Variants in CAMKMT observed in about 807,000 individuals in gnomAD.
CAMKMT encodes CaM KMT.
CAMKMT carries 53 observed loss-of-function variants against 48.0 expected under a neutral mutation model. The observed-to-expected ratio is 1.10, with a 90% CI of 0.89 to 1.39. CAMKMT has a LOEUF of 1.39. Ranked by LOEUF, CAMKMT falls within the 40% of genes most tolerant of loss-of-function variation. The probability of loss-of-function intolerance (pLI) is 0.00; values close to 1 mark genes in which losing one functional copy is unlikely to be tolerated. For synonymous variants in CAMKMT, 165 were observed against 152.3 expected, an observed-to-expected ratio of 1.08 and a Z score of -0.61; for missense variants, 428 against 402.7, an observed-to-expected ratio of 1.06 and a Z score of -0.54.
chr2:44,694,985 T>A (rs1676859105), intron 3 of CAMKMT, among the ~76,000 whole-genome samples: 1 of 152,196 alleles, frequency 6.6e-6, no homozygotes, highest in South Asian at 2.1e-4. Flanking sequence ...TTAATAACGT[T>A]TATAACGTGT....
chr2:44,508,973 G>C (rs1194984549), intron 3 of CAMKMT, among the ~76,000 whole-genome samples: 1 of 151,970 alleles, frequency 6.6e-6, no homozygotes, highest in Non-Finnish European at 1.5e-5. Context: ...GCATGTGCCT[G>C]TAGTCCCAGC....
intron 10 of CAMKMT, among the ~76,000 whole-genome samples, chr2:44,770,203 G>A (rs1681044859): frequency 6.6e-6 from 1 of 152,232 alleles, no homozygotes; most frequent in South Asian, 2.1e-4. Flanking sequence ...AGAGCTTTGT[G>A]TGTGTTCAAG....
At chr2:44,532,972 C>A (rs896935799) in intron 3 of CAMKMT, among the ~76,000 whole-genome samples, 1 of 151,634 alleles carries the variant, frequency 6.6e-6, no homozygotes, top group African/African-American at 2.4e-5. Context: ...ACCACCACAC[C>A]CGGCTAATTT....
intron 3 of CAMKMT, among the ~76,000 whole-genome samples, chr2:44,684,601 T>A (rs1297258452): frequency 6.6e-6 from 1 of 152,050 alleles, no homozygotes; most frequent in Non-Finnish European, 1.5e-5. Flanking sequence ...TTTGTAGATA[T>A]CCCCAGATAA....
At chr2:44,606,633 A>T (rs750194738) in intron 3 of CAMKMT, among the ~76,000 whole-genome samples, 2 of 152,130 alleles carry the variant, frequency 1.3e-5, no homozygotes, top group Non-Finnish European at 2.9e-5. Context: ...GTGATAATAG[A>T]TATTTTTTGT....
chr2:44,573,310 A>T (rs1228751300), intron 3 of CAMKMT, among the ~76,000 whole-genome samples: 5 of 152,080 alleles, frequency 3.3e-5, no homozygotes, highest in Admixed American at 6.6e-5. Context: ...GGAGTTCTTT[A>T]TAATATTATG....
chr2:44,549,534 T>A (rs763736113), intron 3 of CAMKMT: 6 of 692,722 alleles, frequency 8.7e-6, no homozygotes, highest in South Asian at 7.7e-5. Flanking sequence ...GTATATATAA[T>A]TTTTTTTCTT....
chr2:44,680,338 T>A (rs1558791761), intron 3 of CAMKMT, among the ~76,000 whole-genome samples: 1 of 152,236 alleles, frequency 6.6e-6, no homozygotes, highest in East Asian at 1.9e-4. Context: ...CAAAATGAGA[T>A]TGTCACACTC....
rs140390898 is a variant in CAMKMT, at chr2:44,613,240, A to G, written c.377-91043A>G. On this transcript the variant is annotated intron_variant, in intron 3 of 10. Coordinates refer to ENST00000378494, the MANE Select transcript of CAMKMT (RefSeq NM_024766.5). ...TATATGCAGCAGTCAGCTGGTATAC[A>G]GCAGAACAAGGATACCAGTTGTTAA... Among the ~76,000 whole-genome samples the G allele has an allele frequency of 3.1e-3, 470 of 152,340 alleles. 2 individuals carry two copies. Among genetic ancestry groups the G allele is most frequent in the African/African-American group, 0.011 (443 of 41,568 alleles).
intron 3 of CAMKMT, among the ~76,000 whole-genome samples, chr2:44,565,050 A>C (rs771443320): frequency 6.6e-6 from 1 of 152,078 alleles, no homozygotes; most frequent in African/African-American, 2.4e-5. Flanking sequence ...TTCGTGTCCT[A>C]ATTTTTTTCT....
intron 3 of CAMKMT, among the ~76,000 whole-genome samples, chr2:44,455,340 T>C (rs573491757): frequency 8.3e-4 from 127 of 152,254 alleles, no homozygotes; most frequent in African/African-American, 2.9e-3. Context: ...TGTGACTACA[T>C]TTTTCTTTCT....
intron 7 of CAMKMT, among the ~76,000 whole-genome samples, chr2:44,718,918 T>C (rs1206577422): frequency 6.6e-6 from 1 of 152,184 alleles, no homozygotes; most frequent in Non-Finnish European, 1.5e-5. Flanking sequence ...GCCCCCAAGA[T>C]TGGTTATTGG....
At chr2:44,531,490 A>G (rs963699713) in intron 3 of CAMKMT, among the ~76,000 whole-genome samples, 2 of 152,168 alleles carry the variant, frequency 1.3e-5, no homozygotes, top group Non-Finnish European at 2.9e-5. Flanking sequence ...TGTGGATATA[A>G]GAAATTTCAT....
At chr2:44,511,479 G>T (rs187931558) in intron 3 of CAMKMT, among the ~76,000 whole-genome samples, 1 of 151,924 alleles carries the variant, frequency 6.6e-6, no homozygotes, top group African/African-American at 2.4e-5. Flanking sequence ...GGTAGAGACA[G>T]GGTATCACCA....
chr2:44,483,618 A>G (rs1220145734), intron 3 of CAMKMT, among the ~76,000 whole-genome samples: 1 of 152,176 alleles, frequency 6.6e-6, no homozygotes, highest in Non-Finnish European at 1.5e-5. Context: ...ATTAAAGGAC[A>G]AGAACATATG....
intron 7 of CAMKMT, among the ~76,000 whole-genome samples, chr2:44,718,317 C>G (rs553793588): frequency 6.6e-6 from 1 of 152,322 alleles, no homozygotes; most frequent in Admixed American, 6.5e-5. Flanking sequence ...AGTCTGGAAG[C>G]CTTAGCCCTA....
intron 3 of CAMKMT, among the ~76,000 whole-genome samples, chr2:44,701,999 A>G (rs1212010470): frequency 6.6e-6 from 1 of 151,964 alleles, no homozygotes; most frequent in African/African-American, 2.4e-5. Context: ...TTTGTATGTA[A>G]TTTTGTTAAA....
At chr2:44,720,929 T>G (rs1678429557) in intron 7 of CAMKMT, among the ~76,000 whole-genome samples, 2 of 152,164 alleles carry the variant, frequency 1.3e-5, no homozygotes, top group African/African-American at 4.8e-5. Flanking sequence ...TTTTTGTTGG[T>G]CTTACAAATA....
intron 3 of CAMKMT, among the ~76,000 whole-genome samples, chr2:44,692,450 G>C (rs145863305): frequency 1.3e-5 from 2 of 152,052 alleles, no homozygotes; most frequent in Admixed American, 6.6e-5. Context: ...TCTCTATTTC[G>C]TTAACATGTT....
Sources: allele counts gnomAD v4.1 joint callset (sites outside exome capture counted in the v4.1 genomes callset), GRCh38; gene constraint gnomAD v4.1.1; transcripts MANE v1.5; gene names NCBI Gene and HGNC (gene_info 2026-07-23, HGNC 2026-07-21).